PHACTR4: variants seen among roughly 807,000 people sequenced by gnomAD.
PHACTR4 encodes the protein phosphatase and actin regulator 4.
A neutral mutation model predicts 72.7 loss-of-function variants in PHACTR4; 51 were observed. That is an observed-to-expected ratio of 0.70 (90% confidence interval 0.56 to 0.89). PHACTR4 has a LOEUF of 0.89. PHACTR4 is among the 40% of genes least tolerant of loss of function. The pLI is 0.00. For missense variants in PHACTR4, 731 were observed against 861.8 expected (o/e 0.85, Z 1.90); for synonymous variants, 255 against 302.5 (o/e 0.84, Z 1.63).
At chr1:28,422,433 C>T (rs1655566987) in intron 2 of PHACTR4, 1 of 152,082 alleles carries the variant, frequency 6.6e-6, no homozygotes, top group Admixed American at 6.6e-5. Context: ...AAACACTTTG[C>T]CACTTTATAT....
intron 2 of PHACTR4, among the ~76,000 whole-genome samples, chr1:28,449,162 A>G (rs1657749003): frequency 6.6e-6 from 1 of 151,860 alleles, no homozygotes; most frequent in South Asian, 2.1e-4. Flanking sequence ...CAACAACAAC[A>G]ACAACAACTG....
intron 2 of PHACTR4, among the ~76,000 whole-genome samples, chr1:28,442,193 G>T (rs992195993): frequency 6.6e-6 from 1 of 151,566 alleles, no homozygotes; most frequent in East Asian, 1.9e-4. Flanking sequence ...TTGGCTGGGC[G>T]CAGTGTCTCA....
At chr1:28,421,758 A>G (rs1321633798) in intron 2 of PHACTR4, among the ~76,000 whole-genome samples, 1 of 152,222 alleles carries the variant, frequency 6.6e-6, no homozygotes, top group Non-Finnish European at 1.5e-5. Context: ...CTTAAATAGT[A>G]TAAGACAAAA....
intron 9 of PHACTR4, among the ~76,000 whole-genome samples, chr1:28,482,748 C>T (rs774831944): frequency 1.6e-4 from 24 of 151,128 alleles, no homozygotes; most frequent in Non-Finnish European, 1.8e-4. Context: ...CAGAGCAACC[C>T]GGGCAACAAA....
intron 9 of PHACTR4, among the ~76,000 whole-genome samples, chr1:28,484,508 ATGTG>A (rs150440680): frequency 0.013 from 1,977 of 151,398 alleles, 45 homozygotes; most frequent in African/African-American, 0.045. Flanking sequence ...GTGTATATAT[ATGTG>A]TGTATGTGTA....
At chr1:28,483,154 A>T (rs1660387321) in intron 9 of PHACTR4, among the ~76,000 whole-genome samples, 1 of 152,028 alleles carries the variant, frequency 6.6e-6, no homozygotes, top group Non-Finnish European at 1.5e-5. Context: ...CTGTAATCCC[A>T]GCACTTTGGG....
intron 2 of PHACTR4, chr1:28,454,007 G>T (rs1211558159): frequency 2.3e-6 from 1 of 433,978 alleles, no homozygotes; most frequent in South Asian, 2.0e-5. Flanking sequence ...CTTGAGCTCA[G>T]GGGTTTGAGA....
intron 1 of PHACTR4, among the ~76,000 whole-genome samples, chr1:28,373,881 G>A (rs1464689394): frequency 1.3e-5 from 2 of 152,174 alleles, no homozygotes; most frequent in Non-Finnish European, 2.9e-5. Context: ...AACCCAGGTA[G>A]GAAATATCAG....
intron 2 of PHACTR4, among the ~76,000 whole-genome samples, chr1:28,432,642 A>T (rs1656352224): frequency 1.3e-5 from 2 of 152,150 alleles, no homozygotes; most frequent in South Asian, 4.1e-4. Flanking sequence ...GTCTGTAAAA[A>T]AAAATAAAAA....
chr1:28,450,560 T>C (rs1026777670), intron 2 of PHACTR4, among the ~76,000 whole-genome samples: 1 of 152,124 alleles, frequency 6.6e-6, no homozygotes, highest in East Asian at 1.9e-4. Context: ...TATAATTTTT[T>C]AAAAAACAGT....
chr1:28,383,889 C>T (rs796220097), intron 1 of PHACTR4, among the ~76,000 whole-genome samples: 39 of 152,144 alleles, frequency 2.6e-4, no homozygotes, highest in African/African-American at 8.4e-4. Flanking sequence ...TGAATTTTAT[C>T]GAAAGCCTTT....
At chr1:28,473,141 T>C (rs1570062969) in intron 6 of PHACTR4, among the ~76,000 whole-genome samples, 1 of 152,002 alleles carries the variant, frequency 6.6e-6, no homozygotes, top group East Asian at 2.0e-4. Flanking sequence ...CGGGCCGTAG[T>C]GGCGTGCGCC....
intron 6 of PHACTR4, among the ~76,000 whole-genome samples, chr1:28,471,030 G>GA (rs375266708): frequency 0.26 from 35,170 of 134,092 alleles, 5,315 homozygotes; most frequent in African/African-American, 0.45. Flanking sequence ...TGTCTCAAAA[G>GA]AAAAAAAAAA....
At chr1:28,457,847 C>T (rs1553197628) in intron 2 of PHACTR4, 1 of 984,550 alleles carries the variant, frequency 1.0e-6, no homozygotes, top group Non-Finnish European at 1.2e-6. Flanking sequence ...TCCAGAGAAC[C>T]TTGGAACAGT....
chr1:28,449,397 T>A (rs1657765843), intron 2 of PHACTR4, among the ~76,000 whole-genome samples: 1 of 152,158 alleles, frequency 6.6e-6, no homozygotes. Context: ...AAAATTAACA[T>A]TATCTTTGAC....
intron 2 of PHACTR4, among the ~76,000 whole-genome samples, chr1:28,415,272 AAAG>A (rs201839029): frequency 4.0e-4 from 58 of 145,272 alleles, no homozygotes; most frequent in African/African-American, 5.1e-4. Context: ...AAAAAAAAAA[AAAG>A]AGAGAGAAAA....
At chr1:28,398,972 A>T (rs1180269593) in intron 1 of PHACTR4, among the ~76,000 whole-genome samples, 1 of 152,252 alleles carries the variant, frequency 6.6e-6, no homozygotes, top group East Asian at 1.9e-4. Context: ...GGTATTCCGG[A>T]AGACACGTTA....
chr1:28,463,196 T>G (rs76206380), intron 4 of PHACTR4, among the ~76,000 whole-genome samples: 1 of 147,686 alleles, frequency 6.8e-6, no homozygotes, highest in East Asian at 2.0e-4. Flanking sequence ...TGAGACCCTG[T>G]TTTTTTTTTT....
At chr1:28,416,182 G>T (rs1489970257) in intron 2 of PHACTR4, among the ~76,000 whole-genome samples, 2 of 152,076 alleles carry the variant, frequency 1.3e-5, no homozygotes, top group Non-Finnish European at 2.9e-5. Flanking sequence ...AATTCCTCCA[G>T]TATTACATGA....
Sources: allele counts gnomAD v4.1 joint callset (sites outside exome capture counted in the v4.1 genomes callset), GRCh38; gene constraint gnomAD v4.1.1; transcripts MANE v1.5; gene names NCBI Gene and HGNC (gene_info 2026-07-23, HGNC 2026-07-21).